TTC13: variants seen among roughly 807,000 people sequenced by gnomAD.
The protein encoded by TTC13 is tetratricopeptide repeat protein 13.
A neutral mutation model predicts 120.0 loss-of-function variants in TTC13; 62 were observed. That is an observed-to-expected ratio of 0.52 (90% confidence interval 0.42 to 0.64). TTC13 has a LOEUF of 0.64. Among genes scored for constraint, TTC13 ranks in the 30% least tolerant of loss-of-function variants. The pLI is 0.00. For missense variants in TTC13, 824 were observed against 1,050.2 expected (o/e 0.78, Z 2.98); for synonymous variants, 384 against 393.5 (o/e 0.98, Z 0.28).
Position 230,923,940 on chromosome 1 carries a change from A to T in TTC13, c.1722-7T>A. 1 of 1,607,074 alleles carries T rather than the reference A, an allele frequency of 6.2e-7. No homozygotes were observed. Among genetic ancestry groups the T allele is most frequent in the Non-Finnish European group, 8.5e-7 (1 of 1,175,604 alleles). On this transcript the variant is annotated splice_polypyrimidine_tract_variant and splice_region_variant and intron_variant, in intron 14 of 22. Transcript: ENST00000366661. ...CTGGTCTGGGTCAGCAATCCTATAA[A>T]ACAGAGACCTTTATAAAACCAGAAG...
rs1450576402 is a variant in TTC13 at position 230,940,008 on chromosome 1, T to C, written c.789+432A>G. 2.0e-5 allele frequency among the ~76,000 whole-genome samples: 3 copies of C among 152,220 alleles called. No individual in the cohort carries two copies. Among genetic ancestry groups the C allele is most frequent in the East Asian group, 1.9e-4 (1 of 5,192 alleles). On this transcript the variant is annotated intron_variant, in intron 7 of 22. Coordinates refer to ENST00000366661, the MANE Select transcript of TTC13 (RefSeq NM_024525.5). This position sits in a 1 kb window ranked among gnomAD's most constrained non-coding sequence, Gnocchi z 4.1. ...CCTTGTCAGGCTTGGGTCACTTACA[T>C]AGAGAAGCTACAGTCTGGAAAGCCA... is the stretch of plus-strand genomic sequence containing the variant.
intron 15 of TTC13, among the ~76,000 whole-genome samples, chr1:230,921,998 T>G (rs574359975): frequency 3.9e-5 from 6 of 152,318 alleles, no homozygotes; most frequent in African/African-American, 1.4e-4. Context: ...GAACTCCATG[T>G]TCAGCCAACA....
intron 1 of TTC13, among the ~76,000 whole-genome samples, chr1:230,966,186 T>C (rs1572289413): frequency 6.6e-6 from 1 of 152,208 alleles, no homozygotes; most frequent in South Asian, 2.1e-4. Flanking sequence ...TAATTGTACA[T>C]ATGGGGTAGA....
At chr1:230,972,183 G>A (rs1322866664) in intron 1 of TTC13, among the ~76,000 whole-genome samples, 1 of 152,206 alleles carries the variant, frequency 6.6e-6, no homozygotes, top group Non-Finnish European at 1.5e-5. Flanking sequence ...TCCACTGCAT[G>A]GTGCTGGACT....
Position 230,961,205 on chromosome 1 carries a change from A to G in TTC13, c.366+4T>C. 6.2e-7 allele frequency: 1 copy of G among 1,609,602 alleles called. No individual in the cohort carries two copies. The highest frequency in any genetic ancestry group is 8.5e-7 in the Non-Finnish European group (1 of 1,176,188). On this transcript the variant is annotated splice_donor_region_variant and intron_variant, in intron 2 of 22. Coordinates refer to ENST00000366661, the MANE Select transcript of TTC13 (RefSeq NM_024525.5). Reference sequence around the variant, plus strand: ...AAAACAGAACACAGAGAGAAGATGCATACCAGAATCTTCTCAGTGTTGAGG... The same window carrying G: ...AAAACAGAACACAGAGAGAAGATGCGTACCAGAATCTTCTCAGTGTTGAGG...
chr1:230,909,343 A>T (rs565739231), intron 20 of TTC13, among the ~76,000 whole-genome samples: 59 of 150,884 alleles, frequency 3.9e-4, no homozygotes, highest in African/African-American at 1.3e-3. Context: ...AAAAACACAA[A>T]AATTAGGCCA....
chr1:230,941,429 T>C (rs1365252147), intron 6 of TTC13, among the ~76,000 whole-genome samples: 1 of 152,146 alleles, frequency 6.6e-6, no homozygotes, highest in Non-Finnish European at 1.5e-5. Context: ...TTGAGTAGTT[T>C]AGGCTACAGG....
chr1:230,906,838 A>G lies in TTC13; in HGVS notation c.*67T>C, dbSNP rs1429823388. On this transcript the variant is annotated 3_prime_UTR_variant, in exon 23 of 23. Transcript: ENST00000366661. ...GAGGACCTAATTTCTTTATAATTCC[A>G]TGTTTTAAAAAATAACTTAAGAAGC... 5 of 700,674 alleles carry G rather than the reference A, an allele frequency of 7.1e-6. No individual in the cohort carries two copies. Among genetic ancestry groups the G allele is most frequent in the Non-Finnish European group, 1.1e-5 (5 of 459,402 alleles). The allele number at this position is 700,674 out of a possible 1,614,324, so 43.4% of individuals were successfully genotyped here.
intron 18 of TTC13, among the ~76,000 whole-genome samples, chr1:230,914,198 T>C (rs147210195): frequency 1.7e-3 from 253 of 152,194 alleles, no homozygotes; most frequent in Non-Finnish European, 2.9e-3. Context: ...CAGTTGACCC[T>C]TGAACAACAT....
chr1:230,970,087 T>C (rs1048952974), intron 1 of TTC13, among the ~76,000 whole-genome samples: 1 of 152,188 alleles, frequency 6.6e-6, no homozygotes, highest in Non-Finnish European at 1.5e-5. Flanking sequence ...AACAAAGACA[T>C]AGCACAGCCG....
intron 18 of TTC13, among the ~76,000 whole-genome samples, chr1:230,915,797 CTA>C (rs1283252692): frequency 6.7e-6 from 1 of 149,178 alleles, no homozygotes; most frequent in African/African-American, 2.5e-5. Flanking sequence ...CTCTCTCTCT[CTA>C]TATATATATA....
At chr1:230,953,188 G>C (rs1675749407) in intron 4 of TTC13, among the ~76,000 whole-genome samples, 1 of 152,122 alleles carries the variant, frequency 6.6e-6, no homozygotes, top group Admixed American at 6.5e-5. Flanking sequence ...TTCTACTGAA[G>C]AATAGTGTTC....
chr1:230,929,236 A>G (rs1365702006), intron 11 of TTC13, 143 bp from the exon 12 acceptor site: 1 of 834,196 alleles, frequency 1.2e-6, no homozygotes, highest in Non-Finnish European at 1.8e-6. Context: ...GTAAGTCACT[A>G]TTAGTATATG....
intron 14 of TTC13, among the ~76,000 whole-genome samples, chr1:230,924,166 A>G (rs1024912897): frequency 6.6e-6 from 1 of 152,232 alleles, no homozygotes; most frequent in Non-Finnish European, 1.5e-5. Flanking sequence ...ATGAATATCA[A>G]AGGTTACTCT....
In TTC13 at chr1:230,931,348, A is replaced by C. The variant is rs565099644; in HGVS notation, c.1250T>G (p.Leu417Arg). The C allele has an allele frequency of 6.2e-7, 1 of 1,614,186 alleles. No individual in the cohort carries two copies. Among genetic ancestry groups the C allele is most frequent in the Non-Finnish European group, 8.5e-7 (1 of 1,180,036 alleles). ...AQTKVMLNDP[L>R]PGQKASPEYL... ...CTCAGGGCTAGCCTTCTGGCCTGGG[A>C]GAGGATCATTCAGCATAACTTTTGT... The change falls in exon 11 of 23, where the codon CTC becomes CGC. Residue 417 changes from leucine (L) to arginine (R), a missense_variant. Coordinates refer to ENST00000366661, the MANE Select transcript of TTC13 (RefSeq NM_024525.5).
intron 1 of TTC13, among the ~76,000 whole-genome samples, chr1:230,962,041 T>C (rs964782516): frequency 6.6e-6 from 1 of 151,790 alleles, no homozygotes; most frequent in South Asian, 2.1e-4. Flanking sequence ...CAAAACCCTG[T>C]GTCTACTAAA....
intron 12 of TTC13, 129 bp downstream of exon 12, chr1:230,928,808 A>C: frequency 1.2e-6 from 1 of 849,142 alleles, no homozygotes; most frequent in Admixed American, 2.5e-5. Flanking sequence ...AGTATGCTTG[A>C]TTGAACTCCT....
intron 1 of TTC13, among the ~76,000 whole-genome samples, chr1:230,964,772 A>T (rs1251334237): frequency 6.6e-6 from 1 of 152,224 alleles, no homozygotes; most frequent in Non-Finnish European, 1.5e-5. Flanking sequence ...GTACTGGCAT[A>T]AAAACAGACA....
intron 17 of TTC13, among the ~76,000 whole-genome samples, chr1:230,919,058 C>CT (rs1462693342): frequency 6.6e-6 from 1 of 152,118 alleles, no homozygotes; most frequent in Non-Finnish European, 1.5e-5. Flanking sequence ...ATTTCTGTCC[C>CT]TTTTAGTGTC....
Sources: allele counts gnomAD v4.1 joint callset (sites outside exome capture counted in the v4.1 genomes callset), GRCh38; gene constraint gnomAD v4.1.1; non-coding constraint Gnocchi (gnomAD v3.1); transcripts MANE v1.5; gene names NCBI Gene and HGNC (gene_info 2026-07-23, HGNC 2026-07-21).